Variants in HHIPL1 observed in about 807,000 individuals in gnomAD.
HHIPL1 encodes the protein HHIP like 1.
HHIPL1 carries 43 observed loss-of-function variants against 61.8 expected under a neutral mutation model. The observed-to-expected ratio is 0.70, with a 90% CI of 0.55 to 0.90. HHIPL1 has a LOEUF of 0.90. Ranked by LOEUF, HHIPL1 falls within the 40% of genes least tolerant of loss-of-function variation. The probability of loss-of-function intolerance (pLI) is 0.00; values close to 1 mark genes in which losing one functional copy is unlikely to be tolerated. For synonymous variants in HHIPL1, 482 were observed against 515.8 expected (o/e 0.93, Z 0.89); for missense variants, 1,056 against 1,157.7 (o/e 0.91, Z 1.28).
chr14:99,607,921 A>G, the HHIPL1 span, among the ~76,000 whole-genome samples: 1 of 152,072 alleles, frequency 6.6e-6, no homozygotes. Context: ...TTAAATGGGA[A>G]TATATATATA....
At position 99,663,029 on chromosome 14, in the gene HHIPL1, C is replaced by T. The variant is rs1227669224; in HGVS notation, c.1648+8C>T. The stretch of plus-strand genomic sequence containing the variant: ...TCGGGGAGGACGAGGCCGGTGAGCA[C>T]TCCTGAGACCTCTCCTTGCTGGTTG... On this transcript the variant is annotated splice_region_variant and intron_variant, in intron 6 of 8. Transcript: ENST00000330710. 6.3e-7 allele frequency: 1 copy of T among 1,587,052 alleles called. No individual in the cohort carries two copies. Among genetic ancestry groups the T allele is most frequent in the African/African-American group, 1.3e-5 (1 of 74,332 alleles).
At chr14:99,661,186 C>A (rs902535743) in intron 5 of HHIPL1, among the ~76,000 whole-genome samples, 2 of 152,108 alleles carry the variant, frequency 1.3e-5, no homozygotes, top group Admixed American at 1.3e-4. Flanking sequence ...TAAAGAGGCC[C>A]AAGGGCAGGC....
Position 99,679,033 on chromosome 14 carries a change from A to G in HHIPL1, c.*3407A>G, listed in dbSNP as rs1409703686. 1 of 152,250 alleles carries G rather than the reference A, an allele frequency of 6.6e-6. No individual in the cohort carries two copies. Among genetic ancestry groups the G allele is most frequent in the Non-Finnish European group, 1.5e-5 (1 of 68,054 alleles). The allele number at this position is 152,250 out of a possible 1,614,324, so 9.4% of individuals were successfully genotyped here. On this transcript the variant is annotated 3_prime_UTR_variant, in exon 9 of 9. Transcript: ENST00000330710. ...ACTCATGTAATCCTCATATTAATGCACATTTACTCACGTGGAAGCCGAGTT... is the reference window on the plus strand; with the variant it reads ...ACTCATGTAATCCTCATATTAATGCGCATTTACTCACGTGGAAGCCGAGTT...
At chr14:99,651,259 AAACT>A (rs935610908) in intron 1 of HHIPL1, among the ~76,000 whole-genome samples, 2 of 150,906 alleles carry the variant, frequency 1.3e-5, no homozygotes, top group African/African-American at 4.9e-5. Context: ...TGTCTCAAAA[AAACT>A]AACGGACAAA....
chr14:99,664,406 CA>C (rs1373057158), intron 6 of HHIPL1, among the ~76,000 whole-genome samples: 2 of 152,176 alleles, frequency 1.3e-5, no homozygotes, highest in African/African-American at 4.8e-5. Context: ...GTTTTAGAAG[CA>C]GGGGTGCCCC....
chr14:99,671,101 C>T (rs1254209761), intron 7 of HHIPL1, among the ~76,000 whole-genome samples: 1 of 152,140 alleles, frequency 6.6e-6, no homozygotes, highest in African/African-American at 2.4e-5. Context: ...TGACCCTTCT[C>T]CCTTCATTCT....
intron 6 of HHIPL1, among the ~76,000 whole-genome samples, chr14:99,664,609 C>G (rs34668196): frequency 0.36 from 54,003 of 152,022 alleles, 10,223 homozygotes; most frequent in South Asian, 0.45. Context: ...AACAAACCTT[C>G]CCCCTGCCCT....
the HHIPL1 span, among the ~76,000 whole-genome samples, chr14:99,637,046 A>AGAAAGAAAGAAG: frequency 1.1e-3 from 97 of 92,364 alleles, 1 homozygote; most frequent in Middle Eastern, 5.0e-3. Context: ...AAAGAAAGAA[A>AGAAAGAAAGAAG]GAAGGAAGGA....
At chr14:99,638,491 C>A in the HHIPL1 span, among the ~76,000 whole-genome samples, 2 of 152,192 alleles carry the variant, frequency 1.3e-5, no homozygotes, top group African/African-American at 4.8e-5. Context: ...GCTGGGTGTC[C>A]ACTGGCCTAT....
At chr14:99,639,464 C>T in the HHIPL1 span, among the ~76,000 whole-genome samples, 11 of 152,226 alleles carry the variant, frequency 7.2e-5, no homozygotes, top group Non-Finnish European at 1.3e-4. Context: ...CCCACCTCAG[C>T]CTCGAGAGTA....
rs751793866 is a variant in HHIPL1 at position 99,668,958 on chromosome 14, G to A, written c.1730+655G>A. On this transcript the variant is annotated intron_variant, in intron 7 of 8. Coordinates refer to ENST00000330710, the MANE Select transcript of HHIPL1 (RefSeq NM_001127258.3). This position sits in a 1 kb window ranked among gnomAD's most constrained non-coding sequence, Gnocchi z 4.7. Reference sequence around the variant, plus strand: ...AAAGACACGAAGTCATGGGCCTGGGGCCCAGGGCCAGGGTGGGGCCCAGGC... The same window carrying A: ...AAAGACACGAAGTCATGGGCCTGGGACCCAGGGCCAGGGTGGGGCCCAGGC... The A allele has an allele frequency of 2.8e-5, 44 of 1,596,554 alleles. No individual in the cohort carries two copies. The highest frequency in any genetic ancestry group is 3.7e-5 in the Non-Finnish European group (43 of 1,168,862).
chr14:99,660,361 A>T lies in HHIPL1; in HGVS notation c.1457A>T (p.Tyr486Phe), dbSNP rs1236107964. 3.1e-6 allele frequency: 5 copies of T among 1,613,912 alleles called. No homozygotes were observed. The highest frequency in any genetic ancestry group is 4.2e-6 in the Non-Finnish European group (5 of 1,179,996). The change falls in exon 5 of 9, where the codon TAC (tyrosine) becomes TTC (phenylalanine). Residue 486 changes from tyrosine to phenylalanine, a missense_variant. Transcript: ENST00000330710. The surrounding 1 kb of genome is among the most constrained non-coding windows in gnomAD (Gnocchi z 4.9). The stretch of plus-strand genomic sequence containing the variant: ...GGCTACGTGTACCGGGGCTGCGAGT[A>T]CCCCAACCTGAACGGCCTCTACATT... ...TGGYVYRGCE[Y>F]PNLNGLYIFG...
At chr14:99,634,576 A>G in the HHIPL1 span, among the ~76,000 whole-genome samples, 1 of 152,176 alleles carries the variant, frequency 6.6e-6, no homozygotes. Flanking sequence ...GCACTGAGAA[A>G]CCATATTTTA....
chr14:99,637,238 A>C, the HHIPL1 span, among the ~76,000 whole-genome samples: 1 of 149,124 alleles, frequency 6.7e-6, no homozygotes. Flanking sequence ...GAAAGAAAGA[A>C]AGAAAGAAAG....
chr14:99,665,709 C>T (rs1215586249), intron 6 of HHIPL1, among the ~76,000 whole-genome samples: 1 of 152,252 alleles, frequency 6.6e-6, no homozygotes, highest in Non-Finnish European at 1.5e-5. Flanking sequence ...GCTGGGATTA[C>T]AGGCATGAGC....
the HHIPL1 span, among the ~76,000 whole-genome samples, chr14:99,619,010 G>A: frequency 6.6e-6 from 1 of 152,164 alleles, no homozygotes; most frequent in Non-Finnish European, 1.5e-5. Context: ...TGTAGCCTGG[G>A]GACTGGGGAG....
chr14:99,659,852 C>A (rs1289073364), intron 4 of HHIPL1, 96 bp downstream of exon 4: 2 of 561,460 alleles, frequency 3.6e-6, no homozygotes, highest in Non-Finnish European at 5.3e-6. Context: ...CCGCACCCCC[C>A]CCCCCCCGGA....
At chr14:99,637,000 G>GAAGAAAGAAAGAAAGAAAGA in the HHIPL1 span, among the ~76,000 whole-genome samples, 64 of 76,996 alleles carry the variant, frequency 8.3e-4, no homozygotes, top group South Asian at 1.5e-3. Context: ...AAGAAAGAAA[G>GAAGAAAGAAAGAAAGAAAGA]AAGAAAGAAA....
chr14:99,655,666 C>T (rs2056016597), intron 2 of HHIPL1, among the ~76,000 whole-genome samples: 3 of 152,036 alleles, frequency 2.0e-5, no homozygotes, highest in South Asian at 4.2e-4. Context: ...AATCAGTGAC[C>T]GATCCTGGAA....
Sources: gnomAD v4.1 joint callset for allele counts (sites outside exome capture counted in the v4.1 genomes callset) on GRCh38, gnomAD v4.1.1 for gene constraint, Gnocchi (gnomAD v3.1) non-coding constraint, MANE v1.5 for transcripts, NCBI Gene and HGNC (gene_info 2026-07-23, HGNC 2026-07-21) for gene names.